The following MACF1 variants were observed in gnomAD, a reference collection of about 807,000 sequenced individuals.
MACF1 encodes microtubule-actin cross-linking factor 1.
A neutral mutation model predicts 854.8 loss-of-function variants in MACF1; 193 were observed. The ratio of observed to expected loss-of-function variants is 0.23; its 90% CI spans 0.20 to 0.25. MACF1 has a LOEUF of 0.25. Among genes scored for constraint, MACF1 ranks in the 10% least tolerant of loss-of-function variants. The pLI is 1.00. For missense variants in MACF1, 7,722 were observed against 8,929.1 expected (o/e 0.86, Z 5.45); for synonymous variants, 3,185 against 3,226.7 (o/e 0.99, Z 0.44).
chr1:39,452,031 C>T (rs1313218833), intron 85 of MACF1, 125 bp from the exon 86 acceptor site: 2 of 816,346 alleles, frequency 2.4e-6, no homozygotes, highest in African/African-American at 3.5e-5. Context: ...TTATGCATTG[C>T]TCTGCCTCCC....
intron 2 of MACF1, among the ~76,000 whole-genome samples, chr1:39,145,554 C>A (rs1452270281): frequency 6.6e-6 from 1 of 152,124 alleles, no homozygotes; most frequent in African/African-American, 2.4e-5. Context: ...ACCTCAACAG[C>A]CTTTCTTCTA....
At chr1:39,100,917 T>C (rs185383847) in intron 2 of MACF1, among the ~76,000 whole-genome samples, 10,910 of 151,146 alleles carry the variant, frequency 0.072, 660 homozygotes, top group East Asian at 0.16. Context: ...CACGCGCGCG[T>C]GTGTGTGTGT....
chr1:39,411,293 A>G lies in MACF1; in HGVS notation c.15817-11081A>G. ...GAGTGGGAGGAAGAGAAACTGTCAG[A>G]CAGGGAAAAGACTTTTCTGATGGCA... On this transcript the variant is annotated intron_variant, in intron 58 of 100. Transcript: ENST00000564288. 3 of 1,614,060 alleles carry G rather than the reference A, an allele frequency of 1.9e-6. No individual in the cohort carries two copies. In the East Asian group the frequency reaches 6.7e-5, roughly 36 times the overall value.
At chr1:39,098,851 C>G (rs2148128514) in intron 2 of MACF1, among the ~76,000 whole-genome samples, 1 of 152,278 alleles carries the variant, frequency 6.6e-6, no homozygotes, top group East Asian at 1.9e-4. Context: ...TGAGAGCAGG[C>G]AAAGGCTTCT....
chr1:39,428,658 G>A (rs1643801238), intron 63 of MACF1, among the ~76,000 whole-genome samples: 1 of 152,196 alleles, frequency 6.6e-6, no homozygotes, highest in South Asian at 2.1e-4. Context: ...CCCAGGATTT[G>A]ATCATACAGT....
intron 38 of MACF1, among the ~76,000 whole-genome samples, chr1:39,337,583 T>TTTTG (rs1646836682): frequency 6.7e-6 from 1 of 149,288 alleles, no homozygotes; most frequent in Non-Finnish European, 1.5e-5. Context: ...TTTTTTTTTT[T>TTTTG]GAGATAGAGT....
chr1:39,433,591 A>G (rs774831655), intron 68 of MACF1, among the ~76,000 whole-genome samples: 29 of 152,206 alleles, frequency 1.9e-4, no homozygotes, highest in Admixed American at 5.2e-4. Context: ...GTTTTGTTTC[A>G]TAAAGGATAT....
chr1:39,186,170 A>ATCTCTCTCTCTCTCTCTCTCTCTCTC (rs55658204), intron 2 of MACF1, among the ~76,000 whole-genome samples: 9 of 109,990 alleles, frequency 8.2e-5, no homozygotes, highest in South Asian at 3.2e-4. Context: ...GATTCTGAAC[A>ATCTCTCTCTCTCTCTCTCTCTCTCTC]TCTCTCTCTC....
intron 2 of MACF1, among the ~76,000 whole-genome samples, chr1:39,128,866 A>G (rs1201468084): frequency 6.6e-6 from 1 of 152,142 alleles, no homozygotes; most frequent in African/African-American, 2.4e-5. Flanking sequence ...TCATAGCATT[A>G]ATTTCTACCA....
At chr1:39,176,025 T>TCATGAA (rs1490534566) in intron 2 of MACF1, among the ~76,000 whole-genome samples, 9 of 144,464 alleles carry the variant, frequency 6.2e-5, no homozygotes, top group Non-Finnish European at 1.2e-4. Flanking sequence ...CAGGAGAATG[T>TCATGAA]CATGAACCCG....
chr1:39,311,721 A>G (rs1377165886), intron 26 of MACF1, among the ~76,000 whole-genome samples: 3 of 152,206 alleles, frequency 2.0e-5, no homozygotes, highest in Non-Finnish European at 4.4e-5. Context: ...ACTTCAGTAT[A>G]AGATATAAGA....
chr1:39,392,805 G>T (rs1378066187), intron 58 of MACF1, among the ~76,000 whole-genome samples: 1 of 152,180 alleles, frequency 6.6e-6, no homozygotes, highest in Non-Finnish European at 1.5e-5. Context: ...GCTTCTGAAT[G>T]ATTAGTAGGT....
rs757893005 is a variant in MACF1 at position 39,293,533 on chromosome 1, T to G, written c.2068T>G (p.Trp690Gly). 2.5e-6 allele frequency: 4 copies of G among 1,614,074 alleles called. No individual in the cohort carries two copies. In the South Asian group the frequency reaches 4.4e-5, roughly 18 times the overall value. ...TTCCAGAGCTACAGCTGAGTTGATC[T>G]GGTTGAATGAGAAGGAGGAGGAGGA... Reference protein sequence around the residue: ...FVSRATAELIWLNEKEEEELA... With the variant: ...FVSRATAELIGLNEKEEEELA... The change falls in exon 18 of 101, where the codon TGG (tryptophan) becomes GGG (glycine). Residue 690 changes from tryptophan (W) to glycine (G), a missense_variant. Transcript: ENST00000564288.
intron 18 of MACF1, 113 bp from the exon 19 acceptor site, chr1:39,294,933 C>A: frequency 1.4e-6 from 1 of 711,554 alleles, no homozygotes; most frequent in South Asian, 1.8e-5. Context: ...TCTCATTTTG[C>A]CACCAATTCT....
In MACF1 at chr1:39,360,719, A is replaced by G. The variant is rs1569699337; in HGVS notation, c.12245-74A>G. 1.1e-5 allele frequency: 5 copies of G among 440,426 alleles called. 1 individual carries two copies. The East Asian group carries it at 2.4e-4, about 22-fold the overall frequency. 27.3% of individuals were successfully genotyped at this position (440,426 alleles called of 1,614,324 possible). A position where few individuals can be genotyped will look rare whatever the true frequency, so the allele number is the denominator to read the frequency against. ...TTTTTATTATTTATTATTTAATAAT[A>G]TTAATAATAAAGTCTTTAAAAGCAT... On this transcript the variant is annotated intron_variant, in intron 47 of 100. Transcript: ENST00000564288.
chr1:39,316,701 A>G (rs1218904550), intron 28 of MACF1, among the ~76,000 whole-genome samples, 172 bp downstream of exon 28: 1 of 152,258 alleles, frequency 6.6e-6, no homozygotes. Flanking sequence ...ACTGAGAAGT[A>G]TGTCTAGCTA....
chr1:39,127,634 A>G (rs2148166382), intron 2 of MACF1, among the ~76,000 whole-genome samples: 1 of 152,318 alleles, frequency 6.6e-6, no homozygotes. Flanking sequence ...ACTTCCTTGA[A>G]TAGAACTGTT....
Position 39,372,103 on chromosome 1 carries a change from A to G in MACF1, c.13096-376A>G, listed in dbSNP as rs367998383. ...CAAAGTGCTGGGATTACAGGTGTGA[A>G]CCACCATGCCCAGCCATTATCTTAA... On this transcript the variant is annotated intron_variant, in intron 51 of 100. Coordinates refer to ENST00000564288, the MANE Select transcript of MACF1 (RefSeq NM_001394062.1). 5.1e-4 allele frequency among the ~76,000 whole-genome samples: 78 copies of G among 151,914 alleles called. 1 individual carries two copies. The East Asian group carries it at 9.9e-3, about 19-fold the overall frequency.
At chr1:39,099,019 A>G (rs1642002263) in intron 2 of MACF1, among the ~76,000 whole-genome samples, 1 of 152,180 alleles carries the variant, frequency 6.6e-6, no homozygotes. Context: ...TCAAAGGATA[A>G]TGCTTGGGGC....
Sources: gnomAD v4.1 joint callset for allele counts (sites outside exome capture counted in the v4.1 genomes callset) on GRCh38, gnomAD v4.1.1 for gene constraint, MANE v1.5 for transcripts, NCBI Gene and HGNC (gene_info 2026-07-23, HGNC 2026-07-21) for gene names.